KCNQ5: variants seen among roughly 807,000 people sequenced by gnomAD.
The protein encoded by KCNQ5 is potassium voltage-gated channel subfamily KQT member 5.
A neutral mutation model predicts 98.2 loss-of-function variants in KCNQ5; 30 were observed. That is an observed-to-expected ratio of 0.31 (90% CI 0.23 to 0.41). The LOEUF (loss-of-function observed/expected upper bound fraction) is 0.41, where lower values mean the gene tolerates loss of function less well. Ranked by LOEUF, KCNQ5 falls within the 10% of genes least tolerant of loss-of-function variation. KCNQ5 has a pLI of 1.00. For missense variants in KCNQ5, 835 were observed against 1,182.5 expected (o/e 0.71, Z 4.31); for synonymous variants, 458 against 449.4 (o/e 1.02, Z -0.24).
In KCNQ5 at chr6:73,194,810, TTG is replaced by T; in HGVS notation, c.2196_2197del (p.Ala733LysfsTer36). Reference sequence around the variant, plus strand: ...TCAGCAGTGGCAGCCACCAACACCATTGCAAACCAAATAAATACGGCACCCAA... The same window carrying T: ...TCAGCAGTGGCAGCCACCAACACCATCAAACCAAATAAATACGGCACCCAA... On this transcript the variant is annotated frameshift_variant, in exon 14 of 14. Coordinates refer to ENST00000370398, the MANE Select transcript of KCNQ5 (RefSeq NM_019842.4). LOFTEE classifies it high-confidence loss of function. 1 of 1,614,074 alleles carries T rather than the reference TTG, an allele frequency of 6.2e-7. No homozygotes were observed. Among genetic ancestry groups the T allele is most frequent in the Non-Finnish European group, 8.5e-7 (1 of 1,180,006 alleles).
At chr6:73,048,849 A>AC (rs1429325297) in intron 3 of KCNQ5, among the ~76,000 whole-genome samples, 1 of 152,330 alleles carries the variant, frequency 6.6e-6, no homozygotes, top group East Asian at 1.9e-4. Context: ...CAGTGGTATC[A>AC]CCAGTAAGCA....
At chr6:72,813,934 G>A (rs1353101863) in intron 1 of KCNQ5, among the ~76,000 whole-genome samples, 1 of 152,110 alleles carries the variant, frequency 6.6e-6, no homozygotes, top group Admixed American at 6.6e-5. Context: ...CTTGGATCAG[G>A]CATTTAGGAG....
intron 1 of KCNQ5, among the ~76,000 whole-genome samples, chr6:72,878,604 G>A (rs9442861): frequency 0.061 from 9,322 of 152,198 alleles, 449 homozygotes; most frequent in East Asian, 0.18. Flanking sequence ...CTGGGCATTA[G>A]GGGTGCAGGT....
chr6:73,051,738 A>AAAC (rs1772253372), intron 3 of KCNQ5, among the ~76,000 whole-genome samples: 5 of 138,820 alleles, frequency 3.6e-5, no homozygotes, highest in African/African-American at 1.3e-4. Flanking sequence ...AAAAAAAAAA[A>AAAC]AACTATCCAA....
At chr6:73,026,676 A>C (rs1304856282) in intron 2 of KCNQ5, among the ~76,000 whole-genome samples, 1 of 152,224 alleles carries the variant, frequency 6.6e-6, no homozygotes, top group Non-Finnish European at 1.5e-5. Context: ...TCTGTATTCC[A>C]GCATTTAGAA....
chr6:72,987,993 G>A (rs996017672), intron 1 of KCNQ5, among the ~76,000 whole-genome samples: 12 of 152,286 alleles, frequency 7.9e-5, no homozygotes, highest in South Asian at 4.1e-4. Flanking sequence ...TGGAGACTAA[G>A]GACAAGGACA....
chr6:73,029,078 T>C (rs527839980), intron 2 of KCNQ5, among the ~76,000 whole-genome samples: 1 of 152,316 alleles, frequency 6.6e-6, no homozygotes, highest in South Asian at 2.1e-4. Flanking sequence ...AAGCAGGCAG[T>C]GATGTATTAA....
rs566776296 is a variant in KCNQ5, at chr6:72,701,917, C to A, written c.398+79330C>A. 3.9e-5 allele frequency among the ~76,000 whole-genome samples: 6 copies of A among 152,236 alleles called. No individual in the cohort carries two copies. In the East Asian group the frequency reaches 1.2e-3, roughly 29 times the overall value. ...CCATGTTGCCCAGGCTGGTCTCCAG[C>A]TCCTGGGATCAAGCAATCTGCCAGC... On this transcript the variant is annotated intron_variant, in intron 1 of 13. Coordinates refer to ENST00000370398, the MANE Select transcript of KCNQ5 (RefSeq NM_019842.4).
At chr6:73,182,076 G>C (rs1778420036) in intron 11 of KCNQ5, among the ~76,000 whole-genome samples, 1 of 152,164 alleles carries the variant, frequency 6.6e-6, no homozygotes, top group East Asian at 1.9e-4. Flanking sequence ...TTCTTCCCCA[G>C]GCCAGTTCAT....
intron 6 of KCNQ5, among the ~76,000 whole-genome samples, chr6:73,107,909 T>G (rs1265547286): frequency 6.6e-6 from 1 of 152,180 alleles, no homozygotes; most frequent in African/African-American, 2.4e-5. Flanking sequence ...GAATGGTCCA[T>G]ATATACCTTT....
chr6:72,977,179 T>C (rs1317843609), intron 1 of KCNQ5, among the ~76,000 whole-genome samples: 2 of 152,222 alleles, frequency 1.3e-5, no homozygotes, highest in Non-Finnish European at 2.9e-5. Context: ...CTATCTCATT[T>C]TATTCTCAAA....
intron 2 of KCNQ5, among the ~76,000 whole-genome samples, chr6:73,009,627 C>A (rs1005888804): frequency 6.6e-6 from 1 of 151,834 alleles, no homozygotes; most frequent in African/African-American, 2.4e-5. Context: ...AACAGACAAA[C>A]CTTTAGATAG....
chr6:72,685,727 T>C (rs759615882), intron 1 of KCNQ5, among the ~76,000 whole-genome samples: 3 of 152,238 alleles, frequency 2.0e-5, no homozygotes, highest in Admixed American at 6.5e-5. Context: ...CAATTATTTC[T>C]AATATTGTCT....
At chr6:72,648,997 G>A (rs758454818) in intron 1 of KCNQ5, among the ~76,000 whole-genome samples, 12 of 152,072 alleles carry the variant, frequency 7.9e-5, no homozygotes, top group African/African-American at 1.4e-4. Context: ...GTGCTTAGTC[G>A]TATTACTCAA....
intron 1 of KCNQ5, among the ~76,000 whole-genome samples, chr6:72,957,079 G>A (rs533835710): frequency 3.3e-5 from 5 of 151,736 alleles, no homozygotes; most frequent in South Asian, 4.2e-4. Context: ...GCTTCACTTC[G>A]CCTTGTGGGT....
chr6:72,819,477 C>G (rs1339278171), intron 1 of KCNQ5, among the ~76,000 whole-genome samples: 1 of 146,772 alleles, frequency 6.8e-6, no homozygotes, highest in African/African-American at 2.7e-5. Flanking sequence ...AATTTAAAGC[C>G]CTTTTTGTAC....
At chr6:72,761,409 A>G (rs1772266703) in intron 1 of KCNQ5, among the ~76,000 whole-genome samples, 1 of 151,902 alleles carries the variant, frequency 6.6e-6, no homozygotes, top group African/African-American at 2.4e-5. Flanking sequence ...ATTGATAGTT[A>G]TTTTAAAAAC....
chr6:72,986,527 G>A, intron 1 of KCNQ5: 2 of 556,732 alleles, frequency 3.6e-6, no homozygotes, highest in Non-Finnish European at 3.2e-6. Flanking sequence ...GTGGTCCATG[G>A]GAAGGCACCT....
At chr6:72,764,494 A>G (rs1447509844) in intron 1 of KCNQ5, among the ~76,000 whole-genome samples, 1 of 151,842 alleles carries the variant, frequency 6.6e-6, no homozygotes, top group Non-Finnish European at 1.5e-5. Context: ...GGTAAGTAGT[A>G]TGTGTATATA....
Sources: allele counts gnomAD v4.1 joint callset (sites outside exome capture counted in the v4.1 genomes callset), GRCh38; gene constraint gnomAD v4.1.1; transcripts MANE v1.5; gene names NCBI Gene and HGNC (gene_info 2026-07-23, HGNC 2026-07-21).